WDR19: variants seen among roughly 807,000 people sequenced by gnomAD.
WDR19 encodes the protein WD repeat-containing protein 19.
WDR19 carries 121 observed loss-of-function variants against 180.0 expected under a neutral mutation model. The ratio of observed to expected loss-of-function variants is 0.67; its 90% CI spans 0.58 to 0.78. The LOEUF is 0.78. Among genes scored for constraint, WDR19 ranks in the 30% least tolerant of loss-of-function variants. The pLI, the probability that WDR19 is intolerant of heterozygous loss-of-function variation, is 0.00. For missense variants in WDR19, 1,450 were observed against 1,640.7 expected (o/e 0.88, Z 2.01); for synonymous variants, 497 against 540.7 (o/e 0.92, Z 1.12).
At chr4:39,210,390 G>A (rs2381349) in intron 9 of WDR19, among the ~76,000 whole-genome samples, 45,842 of 152,142 alleles carry the variant, frequency 0.3, 6,981 homozygotes, top group Non-Finnish European at 0.31. Context: ...AAAAATCAGT[G>A]TAATCTATGT....
intron 29 of WDR19, 35 bp downstream of exon 29, chr4:39,266,175 G>A (rs1030028224): frequency 6.7e-7 from 1 of 1,500,556 alleles, no homozygotes; most frequent in South Asian, 1.3e-5. Flanking sequence ...GCATCCTCAG[G>A]TCTCAGTTAC....
At chr4:39,196,012 G>C (rs1253791246) in intron 5 of WDR19, among the ~76,000 whole-genome samples, 1 of 152,158 alleles carries the variant, frequency 6.6e-6, no homozygotes, top group Non-Finnish European at 1.5e-5. Context: ...GGGCTTTGAG[G>C]TATATAAGGA....
At chr4:39,217,367 G>T in intron 13 of WDR19, 127 bp downstream of exon 13, 1 of 729,336 alleles carries the variant, frequency 1.4e-6, no homozygotes, top group Non-Finnish European at 2.2e-6. Context: ...TGTGAGTAAA[G>T]GATTAACAAA....
intron 28 of WDR19, among the ~76,000 whole-genome samples, chr4:39,259,122 T>C (rs904401185): frequency 6.6e-6 from 1 of 152,090 alleles, no homozygotes; most frequent in Admixed American, 6.6e-5. Context: ...ATCATGAAAA[T>C]ATTTCCCTTA....
intron 21 of WDR19, among the ~76,000 whole-genome samples, chr4:39,241,795 CAAA>C (rs539065242): frequency 3.2e-5 from 4 of 125,910 alleles, no homozygotes; most frequent in Admixed American, 8.3e-5. Flanking sequence ...AACTCTGTCT[CAAA>C]AAAAAAAAAA....
In WDR19 at chr4:39,268,018, G is replaced by C. The variant is rs183296907; in HGVS notation, c.3285G>C (p.Leu1095Phe). The C allele has an allele frequency of 8.1e-6, 13 of 1,605,368 alleles. No individual in the cohort carries two copies. In the East Asian group the frequency reaches 2.5e-4, roughly 30 times the overall value. Residue 1095 changes from leucine to phenylalanine, a missense_variant, in exon 30 of 37, where the codon TTG becomes TTC. Coordinates refer to ENST00000399820, the MANE Select transcript of WDR19 (RefSeq NM_025132.4). ...AGGATGCCAAGTACCTGTTCCGCTT[G>C]TACATGGCTCTGAAGCAATACCGAG... ...MPKDAKYLFRLYMALKQYREA... is the reference protein window; with the variant it reads ...MPKDAKYLFRFYMALKQYREA...
chr4:39,266,206 T>C, intron 29 of WDR19, 66 bp downstream of exon 29: 2 of 1,393,078 alleles, frequency 1.4e-6, no homozygotes, highest in Admixed American at 2.3e-5. Context: ...TGCCTGTTTT[T>C]ACCCATCATG....
rs1301867737 is a variant in WDR19 at position 39,228,691 on chromosome 4, G to C, written c.1982+1G>C. On this transcript the variant is annotated splice_donor_variant, in intron 17 of 36. Coordinates refer to ENST00000399820, the MANE Select transcript of WDR19 (RefSeq NM_025132.4). LOFTEE classifies it high-confidence loss of function. Reference sequence around the variant, plus strand: ...TGGCACAGAATTTAATGCTAAAGAGGTAGGCTTTCACACACTTCTTTTGGA... The same window carrying C: ...TGGCACAGAATTTAATGCTAAAGAGCTAGGCTTTCACACACTTCTTTTGGA... The C allele has an allele frequency of 6.4e-7, 1 of 1,565,840 alleles. No homozygotes were observed.
At chr4:39,225,367 T>C (rs1730145873) in intron 15 of WDR19, among the ~76,000 whole-genome samples, 1 of 152,214 alleles carries the variant, frequency 6.6e-6, no homozygotes, top group Non-Finnish European at 1.5e-5. Context: ...TCTCTCCCAA[T>C]AGGCAGTGAG....
intron 36 of WDR19, among the ~76,000 whole-genome samples, chr4:39,281,185 C>A (rs1736462656): frequency 9.2e-6 from 1 of 108,912 alleles, no homozygotes. Context: ...TGGTTATTGC[C>A]TTCTTTGTCC....
chr4:39,248,188 G>A (rs1732743404), intron 24 of WDR19, among the ~76,000 whole-genome samples: 4 of 152,234 alleles, frequency 2.6e-5, no homozygotes, highest in South Asian at 4.1e-4. Context: ...AGAGAGTGGG[G>A]GCCAATATTC....
intron 6 of WDR19, among the ~76,000 whole-genome samples, chr4:39,201,275 C>A (rs746715432): frequency 1.3e-5 from 2 of 151,986 alleles, no homozygotes; most frequent in Non-Finnish European, 2.9e-5. Flanking sequence ...AGGGAAAGGA[C>A]AAAGAGAAGA....
intron 28 of WDR19, among the ~76,000 whole-genome samples, chr4:39,265,695 C>T (rs923046508): frequency 5.4e-5 from 8 of 148,270 alleles, no homozygotes; most frequent in African/African-American, 1.3e-4. Flanking sequence ...TCACTTGAAC[C>T]GGGGAGGCGG....
intron 8 of WDR19, 94 bp from the exon 9 acceptor site, chr4:39,205,469 A>G (rs530337523): frequency 2.2e-6 from 3 of 1,387,410 alleles, no homozygotes; most frequent in Admixed American, 5.2e-5. Flanking sequence ...ATTATATTCT[A>G]TAATTCCTTA....
chr4:39,215,830 G>A lies in WDR19; in HGVS notation c.962-11G>A, dbSNP rs537505873. ...TTTTTGAATAATCATTTATTTTGTC[G>A]ATTATTTCAGGATTGGGTACCTTGT... On this transcript the variant is annotated splice_polypyrimidine_tract_variant and intron_variant, in intron 10 of 36. Coordinates refer to ENST00000399820, the MANE Select transcript of WDR19 (RefSeq NM_025132.4). 23 of 1,588,612 alleles carry A rather than the reference G, an allele frequency of 1.4e-5. No homozygotes were observed. Among genetic ancestry groups the A allele is most frequent in the Middle Eastern group, 3.4e-4 (2 of 5,944 alleles).
chr4:39,221,022 C>T (rs1729650604), intron 14 of WDR19, among the ~76,000 whole-genome samples: 1 of 151,414 alleles, frequency 6.6e-6, no homozygotes, highest in African/African-American at 2.4e-5. Context: ...GGAGCCTGGC[C>T]TAAATTATTT....
intron 20 of WDR19, 98 bp downstream of exon 20, chr4:39,234,973 ATAAT>A: frequency 1.4e-6 from 1 of 702,854 alleles, no homozygotes; most frequent in Admixed American, 2.9e-5. Flanking sequence ...CATTGATTTA[ATAAT>A]TTTTTTAGAG....
intron 6 of WDR19, 87 bp from the exon 7 acceptor site, chr4:39,203,555 A>G (rs1315988163): frequency 2.6e-6 from 3 of 1,159,692 alleles, no homozygotes; most frequent in Middle Eastern, 1.9e-4. Context: ...TTAGTCAGGA[A>G]TGAAAACAAG....
At chr4:39,278,001 C>G in intron 34 of WDR19, 130 bp from the exon 35 acceptor site, 2 of 737,414 alleles carry the variant, frequency 2.7e-6, no homozygotes, top group Non-Finnish European at 4.5e-6. Flanking sequence ...TTGCAGACAG[C>G]CAACAATGTG....
Sources: gnomAD v4.1 joint callset for allele counts (sites outside exome capture counted in the v4.1 genomes callset) on GRCh38, gnomAD v4.1.1 for gene constraint, MANE v1.5 for transcripts, NCBI Gene and HGNC (gene_info 2026-07-23, HGNC 2026-07-21) for gene names.